CWF19L2: variants seen among roughly 807,000 people sequenced by gnomAD.
CWF19L2 encodes the protein CWF19 like cell cycle control factor 2, also known as CWF19-like protein 2.
CWF19L2 carries 98 observed loss-of-function variants against 111.7 expected under a neutral mutation model. The ratio of observed to expected loss-of-function variants is 0.88; its 90% CI spans 0.75 to 1.04. The LOEUF (loss-of-function observed/expected upper bound fraction) is 1.04. Among genes scored for constraint, CWF19L2 ranks in the 50% least tolerant of loss-of-function variants. The probability of loss-of-function intolerance (pLI) is 0.00; values close to 1 mark genes in which losing one functional copy is unlikely to be tolerated. For missense variants in CWF19L2, 1,101 were observed against 1,051.4 expected, an observed-to-expected ratio of 1.05 and a Z score of -0.65; for synonymous variants, 351 against 342.9, an observed-to-expected ratio of 1.02 and a Z score of -0.26.
intron 14 of CWF19L2, 150 bp from the exon 15 acceptor site, chr11:107,336,863 C>T (rs1038964556): frequency 1.1e-5 from 6 of 536,520 alleles, no homozygotes; most frequent in Non-Finnish European, 1.9e-5. Context: ...AATATCTGAA[C>T]TCTGCAATGT....
At chr11:107,337,802 A>G (rs2134526753) in intron 14 of CWF19L2, among the ~76,000 whole-genome samples, 1 of 152,308 alleles carries the variant, frequency 6.6e-6, no homozygotes, top group East Asian at 1.9e-4. Context: ...AATGTATTTT[A>G]TTTAGATTTG....
intron 6 of CWF19L2, among the ~76,000 whole-genome samples, chr11:107,438,837 C>T (rs956989165): frequency 6.6e-6 from 1 of 152,050 alleles, no homozygotes; most frequent in South Asian, 2.1e-4. Context: ...GGCTTAAGCC[C>T]AGGAGTTCAA....
intron 11 of CWF19L2, among the ~76,000 whole-genome samples, chr11:107,392,325 A>G (rs1860860711): frequency 6.6e-6 from 1 of 152,164 alleles, no homozygotes; most frequent in African/African-American, 2.4e-5. Context: ...ACTAATTACT[A>G]GAGTTGGAAA....
At chr11:107,359,249 G>A (rs922744671) in intron 12 of CWF19L2, among the ~76,000 whole-genome samples, 1 of 152,218 alleles carries the variant, frequency 6.6e-6, no homozygotes, top group African/African-American at 2.4e-5. Flanking sequence ...GGAAGGGGCA[G>A]TGCTTTCTTC....
chr11:107,332,806 A>C (rs1230094923), intron 16 of CWF19L2, among the ~76,000 whole-genome samples: 1 of 152,102 alleles, frequency 6.6e-6, no homozygotes, highest in African/African-American at 2.4e-5. Flanking sequence ...TCTTACTTCC[A>C]TCCACATAAT....
intron 12 of CWF19L2, among the ~76,000 whole-genome samples, chr11:107,386,177 C>A (rs1201354327): frequency 6.6e-6 from 1 of 152,048 alleles, no homozygotes; most frequent in Non-Finnish European, 1.5e-5. Context: ...CCATACCCAG[C>A]TGATTTTTTA....
intron 8 of CWF19L2, among the ~76,000 whole-genome samples, chr11:107,425,914 C>T (rs1312246866): frequency 6.6e-6 from 1 of 151,908 alleles, no homozygotes; most frequent in Non-Finnish European, 1.5e-5. Context: ...CCTGGAAATA[C>T]TTAGCCAATA....
intron 10 of CWF19L2, among the ~76,000 whole-genome samples, chr11:107,414,145 G>C (rs1331160378): frequency 6.6e-6 from 1 of 152,102 alleles, no homozygotes; most frequent in African/African-American, 2.4e-5. Context: ...AATTGCATGA[G>C]TTATTTTGGG....
chr11:107,337,640 C>T (rs1030124932), intron 14 of CWF19L2, among the ~76,000 whole-genome samples: 1 of 152,052 alleles, frequency 6.6e-6, no homozygotes, highest in Non-Finnish European at 1.5e-5. Flanking sequence ...TCTGGATGAG[C>T]GCGGTGGCTC....
chr11:107,434,376 T>C (rs1246935565), intron 6 of CWF19L2, among the ~76,000 whole-genome samples: 1 of 152,142 alleles, frequency 6.6e-6, no homozygotes, highest in Non-Finnish European at 1.5e-5. Context: ...GCTGGCTTTA[T>C]TTTCTTCTTT....
chr11:107,435,286 T>C lies in CWF19L2; in HGVS notation c.665-1537A>G, dbSNP rs514271. On this transcript the variant is annotated intron_variant, in intron 6 of 17. Transcript: ENST00000282251. ...TTTTTGTTGTTATTTATATAGTTCA[T>C]GAGTTCAAAATTAACTATGCAACCA... Among the ~76,000 whole-genome samples, 791 of 152,300 alleles carry C rather than the reference T, an allele frequency of 5.2e-3. 6 individuals are homozygous for C. The highest frequency in any genetic ancestry group is 0.018 in the African/African-American group (743 of 41,572).
chr11:107,386,223 A>G (rs57657062), intron 12 of CWF19L2, among the ~76,000 whole-genome samples: 2,642 of 152,204 alleles, frequency 0.017, 59 homozygotes, highest in African/African-American at 0.059. Flanking sequence ...TTTGTTGCCC[A>G]GACAGGTCTT....
rs112860728 is a variant in CWF19L2, at chr11:107,329,069, C to T, written c.2541+849G>A. Among the ~76,000 whole-genome samples the T allele has an allele frequency of 3.8e-3, 579 of 152,234 alleles. 1 individual carries two copies. Among genetic ancestry groups the T allele is most frequent in the African/African-American group, 0.013 (521 of 41,554 alleles). ...GGGAGCAGGGTGGAGAACAGGGAAT[C>T]CCAAGCAGAGTTCACCAAGGCCCCT... On this transcript the variant is annotated intron_variant, in intron 17 of 17. Transcript: ENST00000282251.
chr11:107,419,234 C>T (rs1374379187), intron 8 of CWF19L2, among the ~76,000 whole-genome samples: 1 of 152,184 alleles, frequency 6.6e-6, no homozygotes, highest in African/African-American at 2.4e-5. Context: ...AAGAGTCTTG[C>T]TTCATTAGTG....
chr11:107,420,329 T>C (rs1038579594), intron 8 of CWF19L2, among the ~76,000 whole-genome samples: 4 of 152,058 alleles, frequency 2.6e-5, no homozygotes, highest in African/African-American at 9.7e-5. Flanking sequence ...GAAAAAGATA[T>C]ACCATGTTAA....
intron 14 of CWF19L2, among the ~76,000 whole-genome samples, chr11:107,338,538 T>C (rs754923074): frequency 3.9e-5 from 6 of 152,110 alleles, no homozygotes; most frequent in Non-Finnish European, 5.9e-5. Flanking sequence ...CAACCATCAG[T>C]TATTCTTCCT....
intron 12 of CWF19L2, among the ~76,000 whole-genome samples, chr11:107,378,127 G>A (rs1345830498): frequency 6.7e-6 from 1 of 150,308 alleles, no homozygotes; most frequent in South Asian, 2.1e-4. Flanking sequence ...ACAGGTGCTG[G>A]AGAGGATGTG....
At chr11:107,433,488 T>G (rs1861493626) in intron 7 of CWF19L2, 146 bp downstream of exon 7, 1 of 336,064 alleles carries the variant, frequency 3.0e-6, no homozygotes, top group African/African-American at 2.1e-5. Context: ...ACATGTTTAA[T>G]AATAATGAAA....
Position 107,372,302 on chromosome 11 carries a change from G to A in CWF19L2, c.1872+17772C>T, listed in dbSNP as rs1860521730. On this transcript the variant is annotated intron_variant, in intron 12 of 17. Coordinates refer to ENST00000282251, the MANE Select transcript of CWF19L2 (RefSeq NM_152434.3). ...CAGAGGTAAAGGCTTCCCTGAAAGA[G>A]TTATGATAAAGATGAGATTTGTATG... Among the ~76,000 whole-genome samples the A allele has an allele frequency of 6.6e-5, 9 of 135,356 alleles. 2 individuals carry two copies. The highest frequency in any genetic ancestry group is 6.6e-4 in the Admixed American group (9 of 13,736). 88.8% of individuals were successfully genotyped at this position (135,356 alleles called of 152,430 possible). A position where few individuals can be genotyped will look rare whatever the true frequency, so the allele number is the denominator to read the frequency against.
Sources: gnomAD v4.1 joint callset for allele counts (sites outside exome capture counted in the v4.1 genomes callset) on GRCh38, gnomAD v4.1.1 for gene constraint, MANE v1.5 for transcripts, NCBI Gene and HGNC (gene_info 2026-07-23, HGNC 2026-07-21) for gene names.